ACACB: variants seen among roughly 807,000 people sequenced by gnomAD.
The protein encoded by ACACB is acetyl-CoA carboxylase beta.
In ACACB, 209 loss-of-function variants were observed where a neutral mutation model predicts 278.8. The ratio of observed to expected loss-of-function variants is 0.75; its 90% CI spans 0.67 to 0.84. The LOEUF is 0.84. Ranked by LOEUF, ACACB falls within the 40% of genes least tolerant of loss-of-function variation. ACACB has a pLI of 0.00. For synonymous variants in ACACB, 1,174 were observed against 1,285.6 expected (o/e 0.91, Z 1.86); for missense variants, 2,850 against 3,269.0 (o/e 0.87, Z 3.13).
chr12:109,150,655 T>A (rs2136074435), intron 2 of ACACB, among the ~76,000 whole-genome samples: 1 of 152,280 alleles, frequency 6.6e-6, no homozygotes, highest in African/African-American at 2.4e-5. Flanking sequence ...GAAAGGGAGC[T>A]GACACCAGGG....
Position 109,265,271 on chromosome 12 carries a change from G to A in ACACB, c.7104G>A (p.Gly2368=). Residue 2368 remains glycine (G), a synonymous_variant, in exon 51 of 53, where the codon GGG becomes GGA. Transcript: ENST00000338432. The part of the protein sequence containing the change: ...MLRRWFVETE[G]AVKAYLWDNN... ...GTCGCTGGTTCGTGGAGACGGAGGG[G>A]GCTGTCAAGGTGGGCCTGGGGTGAG... The A allele has an allele frequency of 1.2e-6, 2 of 1,612,896 alleles. No homozygotes were observed. The highest frequency in any genetic ancestry group is 2.2e-5 in the East Asian group (1 of 44,868).
chr12:109,136,094 A>G (rs1478311918), intron 1 of ACACB, among the ~76,000 whole-genome samples: 1 of 151,966 alleles, frequency 6.6e-6, no homozygotes, highest in Non-Finnish European at 1.5e-5. Context: ...TACAGGCATG[A>G]GCCACCATGC....
At chr12:109,223,460 A>G (rs1166408018) in intron 26 of ACACB, among the ~76,000 whole-genome samples, 1 of 152,136 alleles carries the variant, frequency 6.6e-6, no homozygotes, top group African/African-American at 2.4e-5. Flanking sequence ...ACTGGTGATT[A>G]AAAAACTTAC....
At chr12:109,181,162 T>C (rs1285330460) in intron 11 of ACACB, among the ~76,000 whole-genome samples, 1 of 152,016 alleles carries the variant, frequency 6.6e-6, no homozygotes, top group African/African-American at 2.4e-5. Context: ...ATGGTCTCAT[T>C]CTTTTTTATG....
intron 1 of ACACB, among the ~76,000 whole-genome samples, chr12:109,128,898 G>A (rs2916100): frequency 1 from 151,887 of 152,060 alleles, 75,857 homozygotes; most frequent in Middle Eastern, 1. Flanking sequence ...TTGGCCTCCT[G>A]AAGTGCTGGA....
chr12:109,156,461 G>T (rs1326453035), intron 2 of ACACB, among the ~76,000 whole-genome samples: 1 of 151,912 alleles, frequency 6.6e-6, no homozygotes, highest in African/African-American at 2.4e-5. Context: ...CTGGGAGATC[G>T]AGGCTGTAGT....
chr12:109,243,972 T>C (rs1046260013), intron 37 of ACACB, among the ~76,000 whole-genome samples: 2 of 151,948 alleles, frequency 1.3e-5, no homozygotes, highest in African/African-American at 4.8e-5. Context: ...TATGTATACA[T>C]GTGCCATGTT....
chr12:109,201,668 G>T lies in ACACB; in HGVS notation c.2880G>T (p.Arg960Ser). The T allele has an allele frequency of 6.2e-7, 1 of 1,614,184 alleles. No individual in the cohort carries two copies. The highest frequency in any genetic ancestry group is 8.5e-7 in the Non-Finnish European group (1 of 1,180,030). ...TGGAAGCAGGCTGCGTGGTGGCCAG[G>T]CTGGAGCTCGATGACCCTTCTAAAG... ...AVLEAGCVVA[R>S]LELDDPSKVH... The change falls in exon 19 of 53, where the codon AGG (arginine) becomes AGT (serine). Residue 960 changes from arginine (R) to serine (S), a missense_variant. By Grantham distance (110) the Arg-to-Ser change is moderately radical (BLOSUM62 -1). Around this residue, in one of 3 missense-constraint regions of ACACB, gnomAD observed 2,265 missense variants for 2,561.3 expected, o/e 0.88. Coordinates refer to ENST00000338432, the MANE Select transcript of ACACB (RefSeq NM_001093.4).
chr12:109,179,424 A>C, intron 10 of ACACB, 127 bp downstream of exon 10: 6 of 933,370 alleles, frequency 6.4e-6, no homozygotes, highest in Non-Finnish European at 8.2e-6. Flanking sequence ...ATGAGGGCCC[A>C]TTCCAGAGGT....
intron 3 of ACACB, 37 bp downstream of exon 3, chr12:109,167,030 T>C (rs1300336227): frequency 4.3e-6 from 7 of 1,612,342 alleles, no homozygotes; most frequent in East Asian, 2.2e-5. Flanking sequence ...TGGGGTCCGA[T>C]TGGGGTGCAG....
In ACACB at chr12:109,179,072, C is replaced by T. The variant is rs1258667650; in HGVS notation, c.1438-16C>T. 6.2e-7 allele frequency: 1 copy of T among 1,608,920 alleles called. No homozygotes were observed. The highest frequency in any genetic ancestry group is 8.5e-7 in the Non-Finnish European group (1 of 1,177,622). ...GTTTCCCCATGAAGATCAGGCTGCT[C>T]TGCTTCCCCCGACAGGTACAGAGTG... On this transcript the variant is annotated splice_polypyrimidine_tract_variant and intron_variant, in intron 9 of 52. Coordinates refer to ENST00000338432, the MANE Select transcript of ACACB (RefSeq NM_001093.4).
In ACACB at chr12:109,179,110, C is replaced by A; in HGVS notation, c.1460C>A (p.Ser487Ter). 1 of 1,613,394 alleles carries A rather than the reference C, an allele frequency of 6.2e-7. No homozygotes were observed. Among genetic ancestry groups the A allele is most frequent in the South Asian group, 1.1e-5 (1 of 90,892 alleles). Reference sequence around the variant, plus strand: ...CAGGTACAGAGTGAGATCCCAGGCTCGCCCATCTTTCTCATGAAGCTGGCC... The same window carrying A: ...CAGGTACAGAGTGAGATCCCAGGCTAGCCCATCTTTCTCATGAAGCTGGCC... ...FRQVQSEIPG[S>*]PIFLMKLAQH... Residue 487 changes from serine (S) to a stop codon, truncating the protein, a stop_gained, in exon 10 of 53, where the codon TCG (serine) becomes TAG (stop). Transcript: ENST00000338432. LOFTEE classifies it high-confidence loss of function.
intron 2 of ACACB, among the ~76,000 whole-genome samples, chr12:109,148,620 T>C (rs1012390330): frequency 1.3e-5 from 2 of 152,202 alleles, no homozygotes; most frequent in African/African-American, 4.8e-5. Context: ...AATATGATAA[T>C]GTGGAACAGA....
intron 2 of ACACB, 26 bp from the exon 3 acceptor site, chr12:109,166,835 G>C: frequency 6.2e-7 from 1 of 1,613,732 alleles, no homozygotes; most frequent in Non-Finnish European, 8.5e-7. Flanking sequence ...CCTCATGCAC[G>C]TCTGTCCCTC....
intron 22 of ACACB, among the ~76,000 whole-genome samples, chr12:109,213,568 G>A (rs565953923): frequency 4.6e-5 from 7 of 152,154 alleles, no homozygotes; most frequent in Admixed American, 2.0e-4. Flanking sequence ...GGGGTTTCCC[G>A]CTGCAGGACT....
intron 22 of ACACB, among the ~76,000 whole-genome samples, chr12:109,214,268 A>G (rs2045931449): frequency 6.6e-6 from 1 of 152,118 alleles, no homozygotes; most frequent in Non-Finnish European, 1.5e-5. Flanking sequence ...CTTTTATGAA[A>G]AAGAAAAAAG....
At chr12:109,248,378 C>T (rs1283548764) in intron 40 of ACACB, among the ~76,000 whole-genome samples, 2 of 152,296 alleles carry the variant, frequency 1.3e-5, no homozygotes, top group African/African-American at 4.8e-5. Context: ...AAGGTGAAGT[C>T]CCATGATAGG....
Position 109,188,163 on chromosome 12 carries a change from G to C in ACACB, c.2144+1G>C, listed in dbSNP as rs761541914. On this transcript the variant is annotated splice_donor_variant, in intron 13 of 52. Transcript: ENST00000338432. LOFTEE classifies it high-confidence loss of function. ...GAGAGAACCGGGAAGAGGCCATTTC[G>C]TCAGTATCTCCTTCCTTCCTTCCTT... is the stretch of plus-strand genomic sequence containing the variant. The C allele has an allele frequency of 6.3e-7, 1 of 1,592,984 alleles. No homozygotes were observed. The highest frequency in any genetic ancestry group is 8.6e-7 in the Non-Finnish European group (1 of 1,163,920).
At position 109,241,083 on chromosome 12, in the gene ACACB, G is replaced by A. The variant is rs949167105; in HGVS notation, c.4824G>A (p.Glu1608=). ...PTVIMDPFKI[E]ESVRYMVMRY... is the part of the protein sequence containing the mutation. ...ATTGCTGTGTTTTGGGGCAGATCGA[G>A]GAGTCCGTGCGCTACATGGTTATGC... Residue 1608 remains glutamate (E), a synonymous_variant, in exon 36 of 53, where the codon GAG becomes GAA. Transcript: ENST00000338432. The A allele has an allele frequency of 5.0e-6, 8 of 1,613,684 alleles. No individual in the cohort carries two copies. The African/African-American group carries it at 1.1e-4, about 22-fold the overall frequency.
Sources: gnomAD v4.1 joint callset for allele counts (sites outside exome capture counted in the v4.1 genomes callset) on GRCh38, gnomAD v4.1.1 for gene constraint, gnomAD v4.1.1 regional missense constraint, MANE v1.5 for transcripts, NCBI Gene and HGNC (gene_info 2026-07-23, HGNC 2026-07-21) for gene names.